Variants in HS6ST3 observed in about 807,000 individuals in gnomAD.
HS6ST3 encodes heparan sulfate 6-O-sulfotransferase 3, also known as heparan-sulfate 6-O-sulfotransferase 3.
In HS6ST3, 12 loss-of-function variants were observed where a neutral mutation model predicts 36.7. That is an observed-to-expected ratio of 0.33 (90% CI 0.21 to 0.53). The LOEUF is 0.53. Ranked by LOEUF, HS6ST3 falls within the 20% of genes least tolerant of loss-of-function variation. The pLI is 0.95. For synonymous variants in HS6ST3, 240 were observed against 257.5 expected (o/e 0.93, Z 0.65); for missense variants, 584 against 640.9 (o/e 0.91, Z 0.96).
chr13:96,558,443 C>A (rs1354877070), intron 1 of HS6ST3, among the ~76,000 whole-genome samples: 1 of 152,188 alleles, frequency 6.6e-6, no homozygotes, highest in Non-Finnish European at 1.5e-5. Flanking sequence ...AGTCTCACAG[C>A]AGGTAGATAA....
intron 1 of HS6ST3, among the ~76,000 whole-genome samples, chr13:96,096,277 T>A (rs1453415938): frequency 6.6e-6 from 1 of 152,142 alleles, no homozygotes; most frequent in African/African-American, 2.4e-5. Context: ...ACTGATGGGA[T>A]TTCAACTCAG....
intron 1 of HS6ST3, among the ~76,000 whole-genome samples, chr13:96,637,696 A>G (rs529639891): frequency 2.0e-5 from 3 of 152,288 alleles, no homozygotes; most frequent in African/African-American, 4.8e-5. Flanking sequence ...TAGATGCTGT[A>G]TATTCAGTGG....
At chr13:96,724,738 G>T (rs1487355022) in intron 1 of HS6ST3, among the ~76,000 whole-genome samples, 1 of 152,058 alleles carries the variant, frequency 6.6e-6, no homozygotes, top group Non-Finnish European at 1.5e-5. Context: ...GTAGTTCATT[G>T]TATAGAGATG....
intron 1 of HS6ST3, among the ~76,000 whole-genome samples, chr13:96,366,241 C>T (rs180747894): frequency 7.9e-5 from 12 of 152,084 alleles, no homozygotes; most frequent in East Asian, 5.8e-4. Context: ...TCTGGGAGGC[C>T]GAGGTGGGTG....
chr13:96,420,445 C>G lies in HS6ST3; in HGVS notation c.707+328876C>G, dbSNP rs548812921. Among the ~76,000 whole-genome samples, 3 of 152,246 alleles carry G rather than the reference C, an allele frequency of 2.0e-5. No homozygotes were observed. The East Asian group carries it at 5.8e-4, about 29-fold the overall frequency. On this transcript the variant is annotated intron_variant, in intron 1 of 1. Transcript: ENST00000376705. ...GATATACTTGCTGAATGTACTATAACATATCACTTAGACTCGGTGGATGAG... is the reference window on the plus strand; with the variant it reads ...GATATACTTGCTGAATGTACTATAAGATATCACTTAGACTCGGTGGATGAG...
chr13:96,198,574 T>C (rs1485599434), intron 1 of HS6ST3, among the ~76,000 whole-genome samples: 1 of 152,170 alleles, frequency 6.6e-6, no homozygotes, highest in Non-Finnish European at 1.5e-5. Context: ...AAATTATCTT[T>C]CTCGAGTTCA....
intron 1 of HS6ST3, among the ~76,000 whole-genome samples, chr13:96,823,643 G>A (rs1164592812): frequency 6.6e-6 from 1 of 151,428 alleles, no homozygotes; most frequent in Non-Finnish European, 1.5e-5. Flanking sequence ...TCTTTGAGAT[G>A]GAGTCTCACT....
intron 1 of HS6ST3, among the ~76,000 whole-genome samples, chr13:96,287,421 A>G (rs2054809104): frequency 6.6e-6 from 1 of 152,214 alleles, no homozygotes. Context: ...AAGATATTTA[A>G]AGAACATTAT....
intron 1 of HS6ST3, among the ~76,000 whole-genome samples, chr13:96,640,088 A>G (rs1208514761): frequency 6.6e-6 from 1 of 151,990 alleles, no homozygotes; most frequent in Admixed American, 6.6e-5. Flanking sequence ...TATACTCAGT[A>G]ATGGGATTGC....
rs1291290522 is a variant in HS6ST3, at chr13:96,091,521, C to T, written c.659C>T (p.Pro220Leu). The change falls in exon 1 of 2, where the codon CCG (proline) becomes CTG (leucine). Residue 220 changes from proline (P) to leucine (L), a missense_variant. Pro to Leu is a moderately conservative substitution (Grantham distance 98). Coordinates refer to ENST00000376705, the MANE Select transcript of HS6ST3 (RefSeq NM_153456.4). ...TGGACGGAGCTCACCAACTGCGTGC[C>T]GGCCATCATGGAGAAGAAGGACTGT... ...ADWTELTNCV[P>L]AIMEKKDCPR... The T allele has an allele frequency of 1.3e-6, 2 of 1,594,480 alleles. No individual in the cohort carries two copies. Among genetic ancestry groups the T allele is most frequent in the African/African-American group, 1.3e-5 (1 of 74,702 alleles).
At chr13:96,713,810 G>A (rs1047136279) in intron 1 of HS6ST3, among the ~76,000 whole-genome samples, 2 of 151,684 alleles carry the variant, frequency 1.3e-5, no homozygotes, top group African/African-American at 2.4e-5. Flanking sequence ...CATATATATG[G>A]TTAAAATCAA....
intron 1 of HS6ST3, among the ~76,000 whole-genome samples, chr13:96,209,890 C>A (rs949177968): frequency 6.6e-6 from 1 of 152,132 alleles, no homozygotes; most frequent in African/African-American, 2.4e-5. Flanking sequence ...ATGACATTGT[C>A]CTCTTTAATT....
At chr13:96,316,983 T>C (rs572957124) in intron 1 of HS6ST3, among the ~76,000 whole-genome samples, 1 of 152,218 alleles carries the variant, frequency 6.6e-6, no homozygotes, top group African/African-American at 2.4e-5. Context: ...AATAAGACTT[T>C]TATTTATTTT....
intron 1 of HS6ST3, among the ~76,000 whole-genome samples, chr13:96,675,854 T>A (rs575539927): frequency 6.6e-6 from 1 of 152,270 alleles, no homozygotes; most frequent in South Asian, 2.1e-4. Context: ...TGCATCCCCC[T>A]TTTGATTAAC....
intron 1 of HS6ST3, among the ~76,000 whole-genome samples, chr13:96,353,974 A>C (rs1399979376): frequency 1.3e-5 from 2 of 152,178 alleles, no homozygotes; most frequent in African/African-American, 4.8e-5. Context: ...TACTGGCATT[A>C]TCTCTCAAAA....
chr13:96,341,217 TA>T (rs2055128495), intron 1 of HS6ST3, among the ~76,000 whole-genome samples: 1 of 152,128 alleles, frequency 6.6e-6, no homozygotes, highest in African/African-American at 2.4e-5. Context: ...ATGTATAGAT[TA>T]AAACAATCAA....
intron 1 of HS6ST3, among the ~76,000 whole-genome samples, chr13:96,568,928 A>C (rs1219944654): frequency 6.6e-6 from 1 of 152,294 alleles, no homozygotes; most frequent in Non-Finnish European, 1.5e-5. Flanking sequence ...ATCATCCATA[A>C]GTGTGGAATT....
chr13:96,310,687 A>C (rs2054936486), intron 1 of HS6ST3, among the ~76,000 whole-genome samples: 1 of 119,700 alleles, frequency 8.4e-6, no homozygotes, highest in Non-Finnish European at 1.6e-5. Flanking sequence ...CTCCCTCCCT[A>C]TCTCCTTCCC....
intron 1 of HS6ST3, among the ~76,000 whole-genome samples, chr13:96,470,322 C>G (rs1444085644): frequency 6.6e-6 from 1 of 152,090 alleles, no homozygotes; most frequent in Non-Finnish European, 1.5e-5. Flanking sequence ...GCATTTCCCC[C>G]TCCCCCAAAT....
Sources: gnomAD v4.1 joint callset for allele counts (sites outside exome capture counted in the v4.1 genomes callset) on GRCh38, gnomAD v4.1.1 for gene constraint, MANE v1.5 for transcripts, NCBI Gene and HGNC (gene_info 2026-07-23, HGNC 2026-07-21) for gene names.